The following CNBD1 variants were observed in gnomAD, a reference collection of about 807,000 sequenced individuals.
CNBD1 encodes cyclic nucleotide-binding domain-containing protein 1.
Under a neutral mutation model 54.4 loss-of-function variants are expected in CNBD1, and 71 were observed. The observed-to-expected ratio is 1.30, with a 90% CI of 1.08 to 1.59. The LOEUF is 1.59. Ranked by LOEUF, CNBD1 falls within the 40% of genes most tolerant of loss-of-function variation. CNBD1 has a pLI of 0.00. For missense variants in CNBD1, 659 were observed against 518.0 expected (o/e 1.27, Z -2.64); for synonymous variants, 182 against 170.7 (o/e 1.07, Z -0.51).
intron 2 of CNBD1, among the ~76,000 whole-genome samples, chr8:87,426,000 G>T (rs995623064): frequency 2.0e-5 from 3 of 152,214 alleles, no homozygotes; most frequent in Non-Finnish European, 2.9e-5. Flanking sequence ...TCTGAGCCAG[G>T]TGCAGGATAT....
At chr8:87,393,914 T>C (rs1400299114) in intron 2 of CNBD1, among the ~76,000 whole-genome samples, 4 of 151,210 alleles carry the variant, frequency 2.6e-5, no homozygotes, top group African/African-American at 9.8e-5. Context: ...ATTTAGAAAA[T>C]AGTGAATAAA....
chr8:87,117,022 CGGTGTAT>C (rs1310634828), intron 4 of CNBD1, among the ~76,000 whole-genome samples: 12 of 152,164 alleles, frequency 7.9e-5, no homozygotes, highest in Non-Finnish European at 1.3e-4. Context: ...TCCCCTACCA[CGGTGTAT>C]GGCACATAAA....
intron 4 of CNBD1, among the ~76,000 whole-genome samples, chr8:86,983,315 T>G (rs1379927929): frequency 1.3e-5 from 2 of 152,224 alleles, no homozygotes; most frequent in Non-Finnish European, 2.9e-5. Flanking sequence ...TGTGGAACTT[T>G]AAGTCCATTA....
intron 1 of CNBD1, among the ~76,000 whole-genome samples, chr8:86,866,784 T>C (rs1293786256): frequency 6.6e-6 from 1 of 152,194 alleles, no homozygotes; most frequent in Non-Finnish European, 1.5e-5. Flanking sequence ...AGGTCTTAAG[T>C]ATTTTTTCTC....
chr8:87,169,356 T>A (rs1813037777), intron 4 of CNBD1, among the ~76,000 whole-genome samples: 3 of 152,116 alleles, frequency 2.0e-5, no homozygotes, highest in Admixed American at 2.0e-4. Context: ...ATTCTTTGGG[T>A]TGATACTTCT....
At chr8:87,196,146 A>G (rs1813718843) in intron 4 of CNBD1, among the ~76,000 whole-genome samples, 1 of 152,178 alleles carries the variant, frequency 6.6e-6, no homozygotes, top group African/African-American at 2.4e-5. Context: ...TAACTCTGGA[A>G]GACTAAGCAT....
intron 10 of CNBD1, among the ~76,000 whole-genome samples, chr8:87,373,454 A>G (rs1249518506): frequency 6.6e-6 from 1 of 151,864 alleles, no homozygotes; most frequent in African/African-American, 2.4e-5. Context: ...ACATTTTGAG[A>G]CCAATAATTA....
chr8:87,264,468 T>A (rs1344068523), intron 6 of CNBD1, among the ~76,000 whole-genome samples: 1 of 152,154 alleles, frequency 6.6e-6, no homozygotes, highest in Non-Finnish European at 1.5e-5. Context: ...TACATGTGCG[T>A]GTGTCTTTAT....
Position 86,951,581 on chromosome 8 carries a change from C to CCAAAAAAA in CNBD1, c.431+11827_431+11828insCAAAAAAA, listed in dbSNP as rs1807624281. 5.4e-5 allele frequency among the ~76,000 whole-genome samples: 2 copies of CCAAAAAAA among 37,360 alleles called. 1 individual carries two copies. The highest frequency in any genetic ancestry group is 9.6e-5 in the Non-Finnish European group (2 of 20,870). The allele number at this position is 37,360 out of a possible 152,430, so 24.5% of individuals were successfully genotyped here. A position where few individuals can be genotyped will look rare whatever the true frequency, so the allele number is the denominator to read the frequency against. ...GGTGACAGAGCGAGGCTCCGTCTCA[C>CCAAAAAAA]AAAAAAAAAAAAAAAAAAAAAAAAA... On this transcript the variant is annotated intron_variant, in intron 4 of 10. Coordinates refer to ENST00000518476, the MANE Select transcript of CNBD1 (RefSeq NM_173538.3).
At chr8:87,223,617 A>C (rs1433321906) in intron 5 of CNBD1, among the ~76,000 whole-genome samples, 1 of 152,138 alleles carries the variant, frequency 6.6e-6, no homozygotes, top group African/African-American at 2.4e-5. Flanking sequence ...TATATGTGCC[A>C]CATTTTCTTA....
At chr8:87,321,683 T>A (rs1314453569) in intron 8 of CNBD1, among the ~76,000 whole-genome samples, 1 of 152,188 alleles carries the variant, frequency 6.6e-6, no homozygotes, top group African/African-American at 2.4e-5. Flanking sequence ...GCACAAAAAC[T>A]TTTTAATTTG....
chr8:87,131,497 G>T (rs1812117285), intron 4 of CNBD1, among the ~76,000 whole-genome samples: 1 of 151,896 alleles, frequency 6.6e-6, no homozygotes, highest in Non-Finnish European at 1.5e-5. Flanking sequence ...ATCTATACAT[G>T]ATATACTTGT....
intron 8 of CNBD1, among the ~76,000 whole-genome samples, chr8:87,303,707 G>A (rs1418835754): frequency 1.5e-4 from 22 of 148,842 alleles, no homozygotes; most frequent in African/African-American, 5.5e-4. Context: ...GCAACCTACA[G>A]AATGGGAGAA....
intron 3 of CNBD1, among the ~76,000 whole-genome samples, chr8:86,905,484 T>C (rs1809003918): frequency 6.6e-6 from 1 of 152,186 alleles, no homozygotes; most frequent in Non-Finnish European, 1.5e-5. Flanking sequence ...GATTAAAATA[T>C]TCTACAGGGT....
At chr8:87,222,404 T>C (rs1404762797) in intron 5 of CNBD1, among the ~76,000 whole-genome samples, 1 of 152,158 alleles carries the variant, frequency 6.6e-6, no homozygotes, top group Non-Finnish European at 1.5e-5. Flanking sequence ...GGTTACAGTC[T>C]ACTGGCAGAG....
In CNBD1 at chr8:87,021,964, A is replaced by T. The variant is rs568592800; in HGVS notation, c.431+82210A>T. Among the ~76,000 whole-genome samples, 79 of 151,514 alleles carry T rather than the reference A, an allele frequency of 5.2e-4. 1 individual carries two copies. In the South Asian group the frequency reaches 0.016, roughly 31 times the overall value. The stretch of plus-strand genomic sequence containing the variant: ...TAATAGATAAGTATTTTTATGAAAA[A>T]TAATTTATTTATATCAGAAATGACA... On this transcript the variant is annotated intron_variant, in intron 4 of 10. Transcript: ENST00000518476.
chr8:87,392,563 C>T (rs903278878), intron 2 of CNBD1, among the ~76,000 whole-genome samples: 6 of 151,926 alleles, frequency 3.9e-5, no homozygotes, highest in African/African-American at 9.7e-5. Flanking sequence ...CAAAAAATTA[C>T]ATATTGTATG....
intron 8 of CNBD1, among the ~76,000 whole-genome samples, chr8:87,329,696 A>G (rs775594195): frequency 9.9e-5 from 15 of 152,112 alleles, no homozygotes; most frequent in Middle Eastern, 3.5e-3. Context: ...TTGAAATTCC[A>G]TTTGTTTGTT....
chr8:87,375,889 T>A (rs938430886), intron 10 of CNBD1, among the ~76,000 whole-genome samples: 1 of 151,970 alleles, frequency 6.6e-6, no homozygotes, highest in Admixed American at 6.6e-5. Flanking sequence ...TTTTCCTTTT[T>A]TCAGGCCTTG....
Sources: gnomAD v4.1 joint callset for allele counts (sites outside exome capture counted in the v4.1 genomes callset) on GRCh38, gnomAD v4.1.1 for gene constraint, MANE v1.5 for transcripts, NCBI Gene and HGNC (gene_info 2026-07-23, HGNC 2026-07-21) for gene names.